RLF: variants seen among roughly 807,000 people sequenced by gnomAD.
RLF encodes RLF zinc finger.
RLF carries 7 observed loss-of-function variants against 162.9 expected under a neutral mutation model. That is an observed-to-expected ratio of 0.04 (90% CI 0.02 to 0.08). RLF has a LOEUF of 0.08. Among genes scored for constraint, RLF ranks in the 10% least tolerant of loss-of-function variants. The pLI, the probability that RLF is intolerant of heterozygous loss-of-function variation, is 1.00. For missense variants in RLF, 1,664 were observed against 2,244.7 expected (o/e 0.74, Z 5.23); for synonymous variants, 782 against 791.5 (o/e 0.99, Z 0.20).
intron 1 of RLF, among the ~76,000 whole-genome samples, chr1:40,178,619 G>GTTTTTTTTTGTTT (rs1642360781): frequency 1.2e-5 from 1 of 85,618 alleles, no homozygotes; most frequent in African/African-American, 4.4e-5. Context: ...TGTCTTTGGT[G>GTTTTTTTTTGTTT]TTTTTTTTTT....
intron 1 of RLF, among the ~76,000 whole-genome samples, chr1:40,184,019 G>C (rs1467568576): frequency 6.6e-6 from 1 of 152,154 alleles, no homozygotes; most frequent in Non-Finnish European, 1.5e-5. Context: ...ATAGTTTCAA[G>C]GAATAGTCAG....
At chr1:40,199,559 G>T (rs1000900033) in intron 4 of RLF, among the ~76,000 whole-genome samples, 1 of 152,180 alleles carries the variant, frequency 6.6e-6, no homozygotes, top group Admixed American at 6.5e-5. Flanking sequence ...TCAGATCAGT[G>T]ATTCTAAAAC....
rs141234034 is a variant in RLF, at chr1:40,229,290, G to GT, written c.948-2225dup. 1.9e-4 allele frequency among the ~76,000 whole-genome samples: 29 copies of GT among 152,220 alleles called. No homozygotes were observed. The East Asian group carries it at 5.2e-3, about 27-fold the overall frequency. ...ATGAACAGTTATCCCAGCTTGCCTG[G>GT]TTGGTGGCTATTTTCACAGCTGGCC... On this transcript the variant is annotated intron_variant, in intron 6 of 7. Transcript: ENST00000372771.
intron 3 of RLF, among the ~76,000 whole-genome samples, chr1:40,191,383 C>T (rs550005050): frequency 2.0e-4 from 31 of 152,016 alleles, no homozygotes; most frequent in Non-Finnish European, 3.5e-4. Flanking sequence ...ACTAAAAATA[C>T]AAATATTAGC....
intron 3 of RLF, among the ~76,000 whole-genome samples, chr1:40,193,570 C>T (rs1642589548): frequency 6.6e-6 from 1 of 152,160 alleles, no homozygotes; most frequent in African/African-American, 2.4e-5. Flanking sequence ...TTTCTCCTCA[C>T]TCCAAAGTAA....
rs796672118 is a variant in RLF at position 40,214,937 on chromosome 1, A to ACAACAACAAC, written c.811-7637_811-7636insCAACAACAAC. Among the ~76,000 whole-genome samples the ACAACAACAAC allele has an allele frequency of 8.0e-5, 12 of 149,826 alleles. 1 individual carries two copies. The highest frequency in any genetic ancestry group is 3.9e-4 in the East Asian group (2 of 5,144). On this transcript the variant is annotated intron_variant, in intron 5 of 7. Coordinates refer to ENST00000372771, the MANE Select transcript of RLF (RefSeq NM_012421.4). Reference sequence around the variant, plus strand: ...CTGTCTCAAAAAAAAAAAAAAAAAAAAAAAAAAACTAAAGTATGAGAACAA... The same window carrying ACAACAACAAC: ...CTGTCTCAAAAAAAAAAAAAAAAAAACAACAACAACAAAAAAAACTAAAGTATGAGAACAA...
At position 40,237,687 on chromosome 1, in the gene RLF, C is replaced by T. The variant is rs772107109; in HGVS notation, c.2985C>T (p.Pro995=). 6 of 1,614,128 alleles carry T rather than the reference C, an allele frequency of 3.7e-6. No homozygotes were observed. The highest frequency in any genetic ancestry group is 1.1e-5 in the South Asian group (1 of 91,070). ...AGATAAAGACGAAAGATCTGTTTCC[C>T]TCTTTGGGTAATGAACATAATCAGA... is the stretch of plus-strand genomic sequence containing the variant. The part of the protein sequence containing the change: ...PKKIKTKDLF[P]SLGNEHNQTT... Residue 995 remains proline, a synonymous_variant, in exon 8 of 8, where the codon CCC becomes CCT. Coordinates refer to ENST00000372771, the MANE Select transcript of RLF (RefSeq NM_012421.4). This position sits in a 1 kb window ranked among gnomAD's most constrained non-coding sequence, Gnocchi z 4.4.
intron 1 of RLF, among the ~76,000 whole-genome samples, chr1:40,183,503 G>T (rs1047342021): frequency 6.6e-6 from 1 of 152,074 alleles, no homozygotes; most frequent in Non-Finnish European, 1.5e-5. Flanking sequence ...TTGTAAACTC[G>T]GGAAGAAGGC....
intron 1 of RLF, among the ~76,000 whole-genome samples, chr1:40,188,798 A>G (rs562743382): frequency 2.6e-5 from 4 of 152,304 alleles, no homozygotes; most frequent in East Asian, 3.9e-4. Flanking sequence ...AGTGAGAACA[A>G]CTAGACATTT....
intron 5 of RLF, among the ~76,000 whole-genome samples, chr1:40,220,413 C>T (rs1411463978): frequency 1.3e-5 from 2 of 152,176 alleles, no homozygotes; most frequent in Non-Finnish European, 2.9e-5. Context: ...TCAGTTCACT[C>T]TCTCTTTGCC....
chr1:40,228,417 C>T (rs922660165), intron 6 of RLF, among the ~76,000 whole-genome samples: 17 of 151,402 alleles, frequency 1.1e-4, no homozygotes, highest in African/African-American at 3.4e-4. Context: ...AACCCCGTCT[C>T]TAAAAATACG....
In RLF at chr1:40,183,614, A is replaced by G. The variant is rs1642434921; in HGVS notation, c.238-5441A>G. ...CACACTTAAAATAGTTGAATTGTGA[A>G]AAGGCATAAAGAAAGCGTGGTGATT... is the stretch of plus-strand genomic sequence containing the variant. On this transcript the variant is annotated intron_variant, in intron 1 of 7. Coordinates refer to ENST00000372771, the MANE Select transcript of RLF (RefSeq NM_012421.4). Among the ~76,000 whole-genome samples, 2 of 152,200 alleles carry G rather than the reference A, an allele frequency of 1.3e-5. 1 individual carries two copies. The highest frequency in any genetic ancestry group is 2.9e-5 in the Non-Finnish European group (2 of 68,026).
At chr1:40,178,182 A>G (rs1230895317) in intron 1 of RLF, among the ~76,000 whole-genome samples, 1 of 152,062 alleles carries the variant, frequency 6.6e-6, no homozygotes, top group African/African-American at 2.4e-5. Context: ...TTGAAAACCT[A>G]TCCTTTCTCC....
chr1:40,222,583 G>A lies in RLF; in HGVS notation c.820G>A (p.Val274Ile). The A allele has an allele frequency of 1.2e-6, 2 of 1,612,956 alleles. No homozygotes were observed. The highest frequency in any genetic ancestry group is 1.7e-6 in the Non-Finnish European group (2 of 1,179,536). Residue 274 changes from valine to isoleucine, a missense_variant, in exon 6 of 8, where the codon GTC becomes ATC. Coordinates refer to ENST00000372771, the MANE Select transcript of RLF (RefSeq NM_012421.4). ...NEDAIKEIAKVDCKEVLDIIC... is the reference protein window; with the variant it reads ...NEDAIKEIAKIDCKEVLDIIC... ...ATCTCATTTTTGATAGATTGCAAAGGTCGACTGCAAGGAAGTACTAGACAT... is the reference window on the plus strand; with the variant it reads ...ATCTCATTTTTGATAGATTGCAAAGATCGACTGCAAGGAAGTACTAGACAT...
At chr1:40,217,633 GCGGGAGCGTACGCCTGTAGTCTCAGC>G (rs1642941793) in intron 5 of RLF, among the ~76,000 whole-genome samples, 1 of 151,910 alleles carries the variant, frequency 6.6e-6, no homozygotes, top group Non-Finnish European at 1.5e-5. Context: ...TTAGCTGGGC[GCGGGAGCGTACGCCTGTAGTCTCAGC>G]TACTCGGAAG....
At chr1:40,199,830 T>A (rs16827039) in intron 4 of RLF, among the ~76,000 whole-genome samples, 7,921 of 152,124 alleles carry the variant, frequency 0.052, 600 homozygotes, top group African/African-American at 0.17. Context: ...ATAGGCATGA[T>A]TTAGATTGGA....
At chr1:40,169,695 C>CT (rs202079055) in intron 1 of RLF, among the ~76,000 whole-genome samples, 468 of 132,164 alleles carry the variant, frequency 3.5e-3, no homozygotes, top group African/African-American at 0.01. Context: ...TTGGGATAAG[C>CT]TTTTTTTTTT....
intron 5 of RLF, among the ~76,000 whole-genome samples, chr1:40,220,451 A>G (rs1344068404): frequency 2.0e-5 from 3 of 151,542 alleles, no homozygotes; most frequent in Non-Finnish European, 2.9e-5. Flanking sequence ...ATTCATTCCT[A>G]CTCATCTTAG....
intron 1 of RLF, among the ~76,000 whole-genome samples, chr1:40,170,807 G>A (rs917483451): frequency 1.3e-4 from 20 of 152,100 alleles, no homozygotes; most frequent in African/African-American, 4.8e-4. Context: ...TATTTCAGAC[G>A]TATCTTGAGT....
Sources: allele counts gnomAD v4.1 joint callset (sites outside exome capture counted in the v4.1 genomes callset), GRCh38; gene constraint gnomAD v4.1.1; non-coding constraint Gnocchi (gnomAD v3.1); transcripts MANE v1.5; gene names NCBI Gene and HGNC (gene_info 2026-07-23, HGNC 2026-07-21).